SLC26A7: variants seen among roughly 807,000 people sequenced by gnomAD.
SLC26A7 encodes the protein anion exchange transporter.
A neutral mutation model predicts 82.5 loss-of-function variants in SLC26A7; 59 were observed. The observed-to-expected ratio is 0.72, with a 90% CI of 0.58 to 0.89. The LOEUF (loss-of-function observed/expected upper bound fraction) is 0.89, where lower values mean the gene tolerates loss of function less well. SLC26A7 is among the 40% of genes least tolerant of loss of function. The probability of loss-of-function intolerance (pLI) is 0.00; values close to 1 mark genes in which losing one functional copy is unlikely to be tolerated. For missense variants in SLC26A7, 820 were observed against 793.0 expected (o/e 1.03, Z -0.41); for synonymous variants, 271 against 274.3 (o/e 0.99, Z 0.12).
intron 8 of SLC26A7, 81 bp from the exon 9 acceptor site, chr8:91,343,272 C>T: frequency 3.5e-6 from 3 of 857,654 alleles, no homozygotes; most frequent in Non-Finnish European, 5.5e-6. Flanking sequence ...AAACAAGCCT[C>T]ATTATGTGAC....
At chr8:91,242,052 T>C (rs1017122229) in intron 2 of SLC26A7, among the ~76,000 whole-genome samples, 4 of 152,224 alleles carry the variant, frequency 2.6e-5, no homozygotes, top group Admixed American at 1.3e-4. Context: ...GTATGGAGTA[T>C]TTTAGCCATT....
chr8:91,340,656 G>A lies in SLC26A7; in HGVS notation c.1026+105G>A, dbSNP rs775762118. 7.0e-6 allele frequency: 10 copies of A among 1,427,294 alleles called. No homozygotes were observed. The Admixed American group carries it at 1.1e-4, about 16-fold the overall frequency. The allele number at this position is 1,427,294 out of a possible 1,614,324, so 88.4% of individuals were successfully genotyped here. A position where few individuals can be genotyped will look rare whatever the true frequency, so the allele number is the denominator to read the frequency against. On this transcript the variant is annotated intron_variant, in intron 8 of 18. Coordinates refer to ENST00000276609, the MANE Select transcript of SLC26A7 (RefSeq NM_052832.4). ...TATGAAAAATAAAACTTTCCTAACT[G>A]TACAGCAAGAGTGGGTTGAACAAAA...
Position 91,305,868 on chromosome 8 carries a change from C to T in SLC26A7, c.477+10165C>T, listed in dbSNP as rs186469148. On this transcript the variant is annotated intron_variant, in intron 4 of 18. Transcript: ENST00000276609. ...ACTTTTTCCTTTTTCCTTTACTATTCCTGTTATACCAACACTTTAAATGGC... is the reference window on the plus strand; with the variant it reads ...ACTTTTTCCTTTTTCCTTTACTATTTCTGTTATACCAACACTTTAAATGGC... Among the ~76,000 whole-genome samples the T allele has an allele frequency of 1.2e-4, 18 of 152,276 alleles. No individual in the cohort carries two copies. The East Asian group carries it at 2.3e-3, about 20-fold the overall frequency.
At chr8:91,275,942 A>G (rs373301253) in intron 2 of SLC26A7, among the ~76,000 whole-genome samples, 3 of 152,046 alleles carry the variant, frequency 2.0e-5, no homozygotes, top group Admixed American at 1.3e-4. Context: ...AATGTTTGCT[A>G]TTGCACACTT....
chr8:91,239,167 G>A (rs1389864467), intron 2 of SLC26A7, among the ~76,000 whole-genome samples: 1 of 151,730 alleles, frequency 6.6e-6, no homozygotes, highest in African/African-American at 2.4e-5. Context: ...TCTGGATATC[G>A]AGACTATCCT....
intron 2 of SLC26A7, among the ~76,000 whole-genome samples, chr8:91,282,456 A>C (rs946245934): frequency 6.6e-6 from 1 of 152,040 alleles, no homozygotes; most frequent in Non-Finnish European, 1.5e-5. Flanking sequence ...CTTTCTCCCT[A>C]ATCAATGGCA....
At chr8:91,247,174 T>C (rs1173185072), upstream of SLC26A7, among the ~76,000 whole-genome samples, 2 of 152,198 alleles carry the variant, frequency 1.3e-5, no homozygotes, top group Non-Finnish European at 2.9e-5. Flanking sequence ...CAAAATGAGA[T>C]TTTACAAAAA....
At chr8:91,365,915 T>TA (rs1814179598) in intron 13 of SLC26A7, among the ~76,000 whole-genome samples, 1 of 152,178 alleles carries the variant, frequency 6.6e-6, no homozygotes. Context: ...CCAAAGGTCA[T>TA]AGAGAAGACT....
chr8:91,324,788 G>A lies in SLC26A7; in HGVS notation c.642+6408G>A, dbSNP rs544805172. 5.3e-5 allele frequency among the ~76,000 whole-genome samples: 8 copies of A among 152,246 alleles called. No individual in the cohort carries two copies. The South Asian group carries it at 1.7e-3, about 32-fold the overall frequency. ...GGTAACGTGGTCAAGTGACAGGGGT[G>A]GGTCTGCTTAGATAAGATGGCCTGG... On this transcript the variant is annotated intron_variant, in intron 5 of 18. Coordinates refer to ENST00000276609, the MANE Select transcript of SLC26A7 (RefSeq NM_052832.4).
intron 14 of SLC26A7, 44 bp downstream of exon 14, chr8:91,366,761 T>G: frequency 1.3e-6 from 2 of 1,569,506 alleles, no homozygotes; most frequent in African/African-American, 1.4e-5. Context: ...ACATGTAGCC[T>G]TATATCATGA....
chr8:91,345,942 A>G (rs1426426271), intron 9 of SLC26A7, among the ~76,000 whole-genome samples: 1 of 152,110 alleles, frequency 6.6e-6, no homozygotes, highest in Non-Finnish European at 1.5e-5. Flanking sequence ...AGTTGGGTGT[A>G]CAGATGTTTG....
At chr8:91,345,978 G>A (rs900372866) in intron 9 of SLC26A7, among the ~76,000 whole-genome samples, 6 of 152,042 alleles carry the variant, frequency 3.9e-5, no homozygotes, top group Non-Finnish European at 7.4e-5. Flanking sequence ...ATAAAGCAGC[G>A]CCCCTTCTCT....
In SLC26A7 at chr8:91,339,891, A is replaced by G. The variant is rs77754731; in HGVS notation, c.879-513A>G. Among the ~76,000 whole-genome samples, 176 of 152,298 alleles carry G rather than the reference A, an allele frequency of 1.2e-3. 2 individuals are homozygous for G. The highest frequency in any genetic ancestry group is 2.1e-3 in the Admixed American group (32 of 15,298). ...ATATTTTTCTTAATGGATGTAAGGC[A>G]CAGTTAAGTGTACTGTGAAAGGATT... On this transcript the variant is annotated intron_variant, in intron 7 of 18. Coordinates refer to ENST00000276609, the MANE Select transcript of SLC26A7 (RefSeq NM_052832.4).
At chr8:91,335,227 T>A (rs929338967) in intron 6 of SLC26A7, among the ~76,000 whole-genome samples, 1 of 152,154 alleles carries the variant, frequency 6.6e-6, no homozygotes, top group Non-Finnish European at 1.5e-5. Flanking sequence ...TTCTAATTGT[T>A]GAAATTATGT....
At chr8:91,285,581 C>T (rs928600746) in intron 2 of SLC26A7, among the ~76,000 whole-genome samples, 1 of 152,202 alleles carries the variant, frequency 6.6e-6, no homozygotes, top group Non-Finnish European at 1.5e-5. Flanking sequence ...CACAATTCAA[C>T]CCATAAAGCA....
chr8:91,358,201 G>A (rs1024515261), intron 11 of SLC26A7, among the ~76,000 whole-genome samples: 1 of 152,142 alleles, frequency 6.6e-6, no homozygotes, highest in African/African-American at 2.4e-5. Context: ...AGACCGTGTG[G>A]CAATTCTTCA....
chr8:91,332,197 A>G (rs1464750504), intron 5 of SLC26A7, among the ~76,000 whole-genome samples: 2 of 145,162 alleles, frequency 1.4e-5, no homozygotes, highest in African/African-American at 5.0e-5. Context: ...TAAGTTAGAG[A>G]CCCTACCTCT....
At chr8:91,226,802 G>A (rs1312499431) in intron 2 of SLC26A7, among the ~76,000 whole-genome samples, 2 of 152,242 alleles carry the variant, frequency 1.3e-5, no homozygotes, top group Non-Finnish European at 2.9e-5. Flanking sequence ...GGTAGTATTT[G>A]ATCAGAGATC....
chr8:91,302,037 A>G (rs959099174), intron 4 of SLC26A7, among the ~76,000 whole-genome samples: 7 of 151,934 alleles, frequency 4.6e-5, no homozygotes, highest in African/African-American at 1.2e-4. Context: ...AATAATTTCT[A>G]GTGTTATTTC....
Sources: gnomAD v4.1 joint callset for allele counts (sites outside exome capture counted in the v4.1 genomes callset) on GRCh38, gnomAD v4.1.1 for gene constraint, MANE v1.5 for transcripts, NCBI Gene and HGNC (gene_info 2026-07-23, HGNC 2026-07-21) for gene names.